Variants in WDR41 observed in about 807,000 individuals in gnomAD.
WDR41 encodes WD repeat domain 41.
In WDR41, 63 loss-of-function variants were observed where a neutral mutation model predicts 69.3. That is an observed-to-expected ratio of 0.91 (90% CI 0.74 to 1.12). The LOEUF is 1.12. WDR41 is among the 50% of genes most tolerant of loss of function. WDR41 has a pLI of 0.00. For synonymous variants in WDR41, 185 were observed against 192.1 expected, an observed-to-expected ratio of 0.96 and a Z score of 0.31; for missense variants, 543 against 534.5, an observed-to-expected ratio of 1.02 and a Z score of -0.16.
chr5:77,519,507 A>C (rs1316059640), intron 1 of WDR41, among the ~76,000 whole-genome samples: 5 of 152,016 alleles, frequency 3.3e-5, no homozygotes, highest in African/African-American at 1.2e-4. Context: ...TATCTTTAAC[A>C]AAATATACTA....
upstream of WDR41, among the ~76,000 whole-genome samples, chr5:77,494,174 T>C (rs532436063): frequency 2.0e-5 from 3 of 152,116 alleles, no homozygotes; most frequent in African/African-American, 7.2e-5. Context: ...AAAATATACA[T>C]AAATGGAAAT....
At chr5:77,615,719 A>G (rs1744669400) in intron 1 of WDR41, among the ~76,000 whole-genome samples, 1 of 143,120 alleles carries the variant, frequency 7.0e-6, no homozygotes, top group Admixed American at 7.1e-5. Flanking sequence ...GCCAGGTGTG[A>G]TGGCTCACGC....
chr5:77,615,299 A>G (rs917550219), intron 1 of WDR41, among the ~76,000 whole-genome samples: 1 of 152,232 alleles, frequency 6.6e-6, no homozygotes, highest in East Asian at 1.9e-4. Context: ...CTAAAAATAT[A>G]TCATTTATTT....
intron 1 of WDR41, among the ~76,000 whole-genome samples, chr5:77,542,860 C>T (rs561754029): frequency 6.6e-6 from 1 of 152,270 alleles, no homozygotes; most frequent in East Asian, 1.9e-4. Context: ...ATCAGGAAAC[C>T]TGAGAGGACC....
chr5:77,481,083 G>A (rs890087467), intron 2 of WDR41, among the ~76,000 whole-genome samples: 7 of 151,512 alleles, frequency 4.6e-5, no homozygotes, highest in South Asian at 2.1e-4. Flanking sequence ...GTGCAATGGC[G>A]TGATCTCAGC....
intron 1 of WDR41, among the ~76,000 whole-genome samples, chr5:77,590,595 TG>T (rs2112306662): frequency 6.6e-6 from 1 of 152,302 alleles, no homozygotes; most frequent in South Asian, 2.1e-4. Flanking sequence ...AGAGGGGAAC[TG>T]AGAGTGAGCT....
At chr5:77,439,440 G>A (rs1403819672) in intron 9 of WDR41, among the ~76,000 whole-genome samples, 1 of 152,200 alleles carries the variant, frequency 6.6e-6, no homozygotes, top group Non-Finnish European at 1.5e-5. Context: ...CCCAATGCCA[G>A]GGCATTAATG....
At chr5:77,559,505 T>C (rs1298753933) in intron 1 of WDR41, among the ~76,000 whole-genome samples, 1 of 152,148 alleles carries the variant, frequency 6.6e-6, no homozygotes, top group East Asian at 1.9e-4. Flanking sequence ...TACTACCCAA[T>C]CCAGTACAAC....
At position 77,463,168 on chromosome 5, in the gene WDR41, GTAA is replaced by G; in HGVS notation, c.272_274del (p.Ile91del). The G allele has an allele frequency of 8.1e-6, 13 of 1,612,736 alleles. No individual in the cohort carries two copies. The highest frequency in any genetic ancestry group is 1.1e-5 in the Non-Finnish European group (13 of 1,179,346). On this transcript the variant is annotated inframe_deletion, in exon 4 of 13. Coordinates refer to ENST00000296679, the MANE Select transcript of WDR41 (RefSeq NM_018268.4). ...TTCACAAGATTCCAAGGAAGGAAATGTAATAATAGCTGTTATCTTTTGAGTGTG... is the reference window on the plus strand; with the variant it reads ...TTCACAAGATTCCAAGGAAGGAAATGTAATAGCTGTTATCTTTTGAGTGTG...
intron 1 of WDR41, among the ~76,000 whole-genome samples, chr5:77,540,758 G>A (rs1012866534): frequency 6.6e-5 from 10 of 151,708 alleles, no homozygotes; most frequent in Admixed American, 6.6e-4. Context: ...AGGAAGGAAG[G>A]AAGGAAAGAA....
At chr5:77,608,706 T>C (rs1030855105) in intron 1 of WDR41, among the ~76,000 whole-genome samples, 1 of 152,238 alleles carries the variant, frequency 6.6e-6, no homozygotes, top group Non-Finnish European at 1.5e-5. Context: ...GGCTCTGGTC[T>C]ACAGCTCCCA....
chr5:77,563,215 A>G (rs1743556820), intron 1 of WDR41, among the ~76,000 whole-genome samples: 1 of 152,124 alleles, frequency 6.6e-6, no homozygotes. Context: ...TATCTGGCTG[A>G]CTTCCTGAAT....
chr5:77,616,861 C>G (rs1580055864), intron 1 of WDR41, among the ~76,000 whole-genome samples: 1 of 152,172 alleles, frequency 6.6e-6, no homozygotes, highest in African/African-American at 2.4e-5. Flanking sequence ...TCATTCTATT[C>G]CCTTGGTAGT....
chr5:77,487,266 T>C (rs1425443621), intron 2 of WDR41, among the ~76,000 whole-genome samples: 1 of 152,236 alleles, frequency 6.6e-6, no homozygotes, highest in East Asian at 1.9e-4. Flanking sequence ...TAAGAAATTA[T>C]CAGATTTTCT....
chr5:77,584,892 C>T lies in WDR41; in HGVS notation c.42+35587G>A, dbSNP rs144389774. Among the ~76,000 whole-genome samples the T allele has an allele frequency of 4.8e-3, 737 of 152,192 alleles. 3 individuals carry two copies. The highest frequency in any genetic ancestry group is 0.017 in the African/African-American group (694 of 41,518). ...ATTCTAGATGATAACATTGGAAAAA[C>T]CCTTCTAGACACTGGCTTAGGCAAG... On this transcript the variant is annotated intron_variant, in intron 1 of 5. Transcript: ENST00000509971.
chr5:77,574,094 T>A (rs1743782448), intron 1 of WDR41, among the ~76,000 whole-genome samples: 1 of 152,034 alleles, frequency 6.6e-6, no homozygotes. Context: ...GGCCAGGAGT[T>A]CCAGACCAGC....
At chr5:77,564,218 GCAC>G (rs1385924489) in intron 1 of WDR41, among the ~76,000 whole-genome samples, 1 of 152,036 alleles carries the variant, frequency 6.6e-6, no homozygotes, top group Non-Finnish European at 1.5e-5. Flanking sequence ...TCAACTCCTT[GCAC>G]CGGAACCACT....
Position 77,453,834 on chromosome 5 carries a change from C to T in WDR41, c.506G>A (p.Ser169Asn). The T allele has an allele frequency of 1.2e-6, 2 of 1,613,898 alleles. No homozygotes were observed. The highest frequency in any genetic ancestry group is 1.7e-6 in the Non-Finnish European group (2 of 1,179,872). The change falls in exon 6 of 13, where the codon AGC (serine) becomes AAC (asparagine). Residue 169 changes from serine (S) to asparagine (N), a missense_variant. By Grantham distance (46) the Ser-to-Asn change is conservative (BLOSUM62 1). Transcript: ENST00000296679. ...NRKLDLLCKT[S>N]HLSDTGISAL... ...TTTTTTACCTGTATCAGAAAGGTGG[C>T]TAGTCTTACACAGGAGATCTAATTT...
chr5:77,522,373 G>C (rs1234195882), intron 1 of WDR41, among the ~76,000 whole-genome samples: 1 of 152,210 alleles, frequency 6.6e-6, no homozygotes, highest in African/African-American at 2.4e-5. Flanking sequence ...CGGGCGTGGT[G>C]GCTTATACCT....
Sources: gnomAD v4.1 joint callset for allele counts (sites outside exome capture counted in the v4.1 genomes callset) on GRCh38, gnomAD v4.1.1 for gene constraint, MANE v1.5 for transcripts, NCBI Gene and HGNC (gene_info 2026-07-23, HGNC 2026-07-21) for gene names.